The following PRDM4 variants were observed in gnomAD, a reference collection of about 807,000 sequenced individuals.
PRDM4 encodes PR domain zinc finger protein 4.
In PRDM4, 38 loss-of-function variants were observed where a neutral mutation model predicts 62.3. That is an observed-to-expected ratio of 0.61 (90% CI 0.47 to 0.80). The LOEUF is 0.80. Ranked by LOEUF, PRDM4 falls within the 30% of genes least tolerant of loss-of-function variation. PRDM4 has a pLI of 0.00. For missense variants in PRDM4, 858 were observed against 997.1 expected (o/e 0.86, Z 1.88); for synonymous variants, 339 against 348.2 (o/e 0.97, Z 0.30).
chr12:107,749,760 T>G (rs1352949916), intron 5 of PRDM4, among the ~76,000 whole-genome samples: 2 of 152,108 alleles, frequency 1.3e-5, no homozygotes, highest in African/African-American at 2.4e-5. Flanking sequence ...CTTAACAAAT[T>G]TATTCTCACA....
chr12:107,748,615 T>C (rs976599157), intron 5 of PRDM4, among the ~76,000 whole-genome samples: 1 of 152,094 alleles, frequency 6.6e-6, no homozygotes, highest in African/African-American at 2.4e-5. Context: ...TTATATGAAA[T>C]ATCTGGAAAA....
Position 107,753,913 on chromosome 12 carries a change from G to A in PRDM4, c.331+11C>T, listed in dbSNP as rs1465570462. On this transcript the variant is annotated intron_variant, in intron 4 of 11. Coordinates refer to ENST00000228437, the MANE Select transcript of PRDM4 (RefSeq NM_012406.4). ...TTTTTCTCTAACATCTCAAGTAACT[G>A]TAACACTTACCAGGTAGAATGGTTC... 4 of 1,607,318 alleles carry A rather than the reference G, an allele frequency of 2.5e-6. No homozygotes were observed. Among genetic ancestry groups the A allele is most frequent in the African/African-American group, 1.3e-5 (1 of 74,582 alleles).
rs1891216343 is a variant in PRDM4, at chr12:107,760,656, G to A, written c.-141C>T. The A allele has an allele frequency of 1.8e-5, 19 of 1,073,432 alleles. No homozygotes were observed. The highest frequency in any genetic ancestry group is 5.7e-5 in the East Asian group (2 of 35,122). 66.5% of individuals were successfully genotyped at this position (1,073,432 alleles called of 1,614,324 possible). Reference sequence around the variant, plus strand: ...CGGCCACTCGTCCCCGGGGTCGCCCGGGGCCGCCCAACTTCTCCCGAGGGC... The same window carrying A: ...CGGCCACTCGTCCCCGGGGTCGCCCAGGGCCGCCCAACTTCTCCCGAGGGC... On this transcript the variant is annotated 5_prime_UTR_variant, in exon 2 of 12. Transcript: ENST00000228437.
At chr12:107,747,821 G>C (rs767396276) in intron 5 of PRDM4, among the ~76,000 whole-genome samples, 1 of 151,584 alleles carries the variant, frequency 6.6e-6, no homozygotes, top group Non-Finnish European at 1.5e-5. Context: ...TTTAAGACGG[G>C]GTCCCGATCT....
Position 107,746,275 on chromosome 12 carries a change from C to T in PRDM4, c.1276G>A (p.Gly426Ser). ...TGTTTTACAGTTCCAAGGTTCTTAC[C>T]AACTTCTGCTCCCACAATTGACTGA... is the stretch of plus-strand genomic sequence containing the variant. ...LRQSIVGAEVGVWTGETIPVR... is the reference protein window; with the variant it reads ...LRQSIVGAEVSVWTGETIPVR... Residue 426 changes from glycine (G) to serine (S), a missense_variant and splice_region_variant, in exon 6 of 12, where the codon GGT (glycine) becomes AGT (serine). By Grantham distance (56) the Gly-to-Ser change is moderately conservative (BLOSUM62 0). Around this residue, in one of 3 missense-constraint regions of PRDM4, gnomAD observed 499 missense variants for 546.7 expected, o/e 0.91. Coordinates refer to ENST00000228437, the MANE Select transcript of PRDM4 (RefSeq NM_012406.4). 1 of 1,613,742 alleles carries T rather than the reference C, an allele frequency of 6.2e-7. No homozygotes were observed. The highest frequency in any genetic ancestry group is 8.5e-7 in the Non-Finnish European group (1 of 1,179,870).
At chr12:107,743,784 A>G (rs1312966477) in intron 7 of PRDM4, among the ~76,000 whole-genome samples, 2 of 152,198 alleles carry the variant, frequency 1.3e-5, no homozygotes, top group Admixed American at 6.5e-5. Context: ...ATAGATATCT[A>G]TGTGAAAATG....
intron 9 of PRDM4, among the ~76,000 whole-genome samples, 184 bp downstream of exon 9, chr12:107,742,037 A>G (rs998305802): frequency 6.6e-6 from 1 of 152,226 alleles, no homozygotes; most frequent in Admixed American, 6.5e-5. Flanking sequence ...TGCTTGGTCA[A>G]TAACATTCAG....
chr12:107,749,312 C>T (rs1195239977), intron 5 of PRDM4, among the ~76,000 whole-genome samples: 1 of 151,962 alleles, frequency 6.6e-6, no homozygotes, highest in Admixed American at 6.6e-5. Flanking sequence ...CTTGACTCAT[C>T]GTCACTCCTC....
In PRDM4 at chr12:107,736,647, CTT is replaced by C. The variant is rs1460611634; in HGVS notation, c.2094-2127_2094-2126del. ...ATGAGTGGAGACAGGCACAATCTGACTTATATTTGAAATGGATTGCTCTGGCA... is the reference window on the plus strand; with the variant it reads ...ATGAGTGGAGACAGGCACAATCTGACATATTTGAAATGGATTGCTCTGGCA... On this transcript the variant is annotated intron_variant, in intron 11 of 11. Transcript: ENST00000228437. 4 of 152,250 alleles carry C rather than the reference CTT, an allele frequency of 2.6e-5. No individual in the cohort carries two copies. The South Asian group carries it at 6.2e-4, about 24-fold the overall frequency. 9.4% of individuals were successfully genotyped at this position (152,250 alleles called of 1,614,324 possible).
At chr12:107,743,060 C>G (rs1207906141) in intron 8 of PRDM4, 137 bp downstream of exon 8, 3 of 691,210 alleles carry the variant, frequency 4.3e-6, no homozygotes, top group East Asian at 2.7e-5. Context: ...AGCCACCATG[C>G]CTGGCTGCCT....
Position 107,739,509 on chromosome 12 carries a change from G to A in PRDM4, c.1967C>T (p.Thr656Ile), listed in dbSNP as rs1218315214. 1.9e-6 allele frequency: 3 copies of A among 1,613,962 alleles called. No homozygotes were observed. The highest frequency in any genetic ancestry group is 2.2e-5 in the South Asian group (2 of 91,076). Residue 656 changes from threonine to isoleucine, a missense_variant, in exon 11 of 12, where the codon ACC (threonine) becomes ATC (isoleucine). By Grantham distance (89) the Thr-to-Ile change is moderately conservative. Around this residue, in one of 3 missense-constraint regions of PRDM4, gnomAD observed 355 missense variants for 432.6 expected, o/e 0.82. Coordinates refer to ENST00000228437, the MANE Select transcript of PRDM4 (RefSeq NM_012406.4). ...YRCTLCDKSF[T>I]QKAHLESHMV... ...GTGGGACTCCAGGTGAGCCTTCTGG[G>A]TGAAAGACTTGTCACACAAGGTACA...
intron 4 of PRDM4, among the ~76,000 whole-genome samples, 187 bp downstream of exon 4, chr12:107,753,737 C>G (rs1407264692): frequency 2.0e-5 from 3 of 152,148 alleles, no homozygotes; most frequent in Non-Finnish European, 4.4e-5. Flanking sequence ...AACTGTATTA[C>G]TAATGTGTTA....
intron 5 of PRDM4, among the ~76,000 whole-genome samples, chr12:107,749,787 C>G (rs771845522): frequency 1.3e-5 from 2 of 151,788 alleles, no homozygotes; most frequent in Non-Finnish European, 2.9e-5. Context: ...CAAAGCCCTA[C>G]CCCAACCCTC....
chr12:107,734,975 T>A (rs911274268), intron 11 of PRDM4, among the ~76,000 whole-genome samples: 1 of 152,168 alleles, frequency 6.6e-6, no homozygotes. Context: ...AGAACGTTTT[T>A]AAATTTTTTT....
intron 2 of PRDM4, among the ~76,000 whole-genome samples, chr12:107,757,637 A>G (rs1891103607): frequency 6.6e-6 from 1 of 152,222 alleles, no homozygotes; most frequent in African/African-American, 2.4e-5. Flanking sequence ...GCCATGTCAT[A>G]TGCCCCAAAT....
rs12228203 is a variant in PRDM4, at chr12:107,745,077, A to T, written c.1277-416T>A. Among the ~76,000 whole-genome samples the T allele has an allele frequency of 1.3e-3, 201 of 151,728 alleles. 1 individual carries two copies. The highest frequency in any genetic ancestry group is 1.8e-3 in the East Asian group (9 of 5,092). The stretch of plus-strand genomic sequence containing the variant: ...TCTGTCTCAAAAAAAATAAAAAAAT[A>T]AAAAAAACAATATGCTAGCATTCCT... On this transcript the variant is annotated intron_variant, in intron 6 of 11. Coordinates refer to ENST00000228437, the MANE Select transcript of PRDM4 (RefSeq NM_012406.4).
intron 9 of PRDM4, among the ~76,000 whole-genome samples, chr12:107,741,848 T>C (rs191819486): frequency 1.3e-5 from 2 of 152,318 alleles, no homozygotes; most frequent in East Asian, 3.9e-4. Flanking sequence ...TCTTAAACAT[T>C]AGCTGTCATC....
intron 11 of PRDM4, chr12:107,738,222 T>C (rs1017447820): frequency 6.6e-6 from 1 of 152,206 alleles, no homozygotes; most frequent in African/African-American, 2.4e-5. Context: ...GACTAGATGA[T>C]CCGGGGATCT....
chr12:107,737,240 T>A (rs11113458), intron 11 of PRDM4, among the ~76,000 whole-genome samples: 44,540 of 151,970 alleles, frequency 0.29, 8,218 homozygotes, highest in Middle Eastern at 0.43. Flanking sequence ...CTGTTTTTTT[T>A]AAGTAGATAA....
Sources: gnomAD v4.1 joint callset for allele counts (sites outside exome capture counted in the v4.1 genomes callset) on GRCh38, gnomAD v4.1.1 for gene constraint, gnomAD v4.1.1 regional missense constraint, MANE v1.5 for transcripts, NCBI Gene and HGNC (gene_info 2026-07-23, HGNC 2026-07-21) for gene names.